Variants in FBXW4 observed in about 807,000 individuals in gnomAD.
FBXW4 encodes F-box/WD repeat-containing protein 4.
A neutral mutation model predicts 61.8 loss-of-function variants in FBXW4; 40 were observed. The observed-to-expected ratio is 0.65, with a 90% CI of 0.50 to 0.84. The LOEUF is 0.84. FBXW4 is among the 40% of genes least tolerant of loss of function. The probability of loss-of-function intolerance (pLI) is 0.00; values close to 1 mark genes in which losing one functional copy is unlikely to be tolerated. For missense variants in FBXW4, 672 were observed against 753.8 expected (o/e 0.89, Z 1.27); for synonymous variants, 311 against 313.8 (o/e 0.99, Z 0.10).
intron 6 of FBXW4, among the ~76,000 whole-genome samples, chr10:101,617,186 G>C (rs2063831852): frequency 6.6e-6 from 1 of 152,188 alleles, no homozygotes; most frequent in Non-Finnish European, 1.5e-5. Context: ...GGCTTTGGAG[G>C]TAAGTTTCTT....
At chr10:101,618,973 C>T (rs1036764909) in intron 6 of FBXW4, among the ~76,000 whole-genome samples, 1 of 152,166 alleles carries the variant, frequency 6.6e-6, no homozygotes, top group Non-Finnish European at 1.5e-5. Flanking sequence ...CCACTTGGGC[C>T]TTCCAGCTGC....
At chr10:101,626,365 A>T (rs558780147) in intron 5 of FBXW4, 2 of 152,804 alleles carry the variant, frequency 1.3e-5, no homozygotes, top group East Asian at 3.9e-4. Context: ...GTAATCCATT[A>T]ATAACTGGTA....
chr10:101,660,261 TCCG>T, intron 5 of FBXW4: 1 of 953,036 alleles, frequency 1.0e-6, no homozygotes, highest in Non-Finnish European at 1.2e-6. Context: ...CCTTTGAACC[TCCG>T]ACTGCAACAC....
At chr10:101,693,635 G>A (rs1283351527) in intron 1 of FBXW4, among the ~76,000 whole-genome samples, 4 of 152,138 alleles carry the variant, frequency 2.6e-5, no homozygotes, top group South Asian at 2.1e-4. Flanking sequence ...TGGAATAGGG[G>A]GCAATCTGAA....
Position 101,695,132 on chromosome 10 carries a change from G to T in FBXW4, c.-27C>A, listed in dbSNP as rs916863230. On this transcript the variant is annotated 5_prime_UTR_variant, in exon 1 of 9. Coordinates refer to ENST00000331272, the MANE Select transcript of FBXW4 (RefSeq NM_022039.4). The surrounding 1 kb of genome is among the most constrained non-coding windows in gnomAD (Gnocchi z 4.2). ...AGCGGCCGCGGGGCCGGCCCGACGC[G>T]GAGCCCAGCCCGAGCCGCCACCGCC... is the stretch of plus-strand genomic sequence containing the variant. The T allele has an allele frequency of 9.1e-6, 9 of 985,054 alleles. No individual in the cohort carries two copies. In the Admixed American group the frequency reaches 2.5e-4, roughly 27 times the overall value. The allele number at this position is 985,054 out of a possible 1,614,324, so 61.0% of individuals were successfully genotyped here. A position where few individuals can be genotyped will look rare whatever the true frequency, so the allele number is the denominator to read the frequency against.
intron 5 of FBXW4, among the ~76,000 whole-genome samples, chr10:101,629,460 TTTTAGTAGAG>T (rs1420109526): frequency 6.6e-6 from 1 of 152,004 alleles, no homozygotes; most frequent in African/African-American, 2.4e-5. Flanking sequence ...ATTTTTGTAT[TTTTAGTAGAG>T]AGAGGGTTTC....
At chr10:101,635,387 G>A (rs1393454460) in intron 5 of FBXW4, among the ~76,000 whole-genome samples, 2 of 152,028 alleles carry the variant, frequency 1.3e-5, no homozygotes, top group South Asian at 2.1e-4. Flanking sequence ...TAAATGTAAT[G>A]CACTTGAATC....
At chr10:101,680,600 T>C (rs914758449) in intron 1 of FBXW4, among the ~76,000 whole-genome samples, 4 of 152,212 alleles carry the variant, frequency 2.6e-5, no homozygotes, top group Admixed American at 1.3e-4. Flanking sequence ...CCCCCAAGAA[T>C]AGTTTACAGG....
intron 1 of FBXW4, among the ~76,000 whole-genome samples, chr10:101,691,752 C>T (rs1248808153): frequency 2.0e-5 from 3 of 152,122 alleles, no homozygotes; most frequent in African/African-American, 7.2e-5. Flanking sequence ...TATAGGTTAA[C>T]TGATAATATT....
chr10:101,663,726 C>G (rs1286930992), intron 5 of FBXW4, among the ~76,000 whole-genome samples: 1 of 152,082 alleles, frequency 6.6e-6, no homozygotes, highest in African/African-American at 2.4e-5. Flanking sequence ...ATCTCTGAGG[C>G]CTGTGAGCTG....
chr10:101,661,436 A>G (rs981007312), intron 5 of FBXW4, among the ~76,000 whole-genome samples: 1 of 152,166 alleles, frequency 6.6e-6, no homozygotes, highest in Non-Finnish European at 1.5e-5. Context: ...TTGCATATGC[A>G]TGGGCAATGA....
intron 1 of FBXW4, among the ~76,000 whole-genome samples, chr10:101,693,581 T>C (rs1254600765): frequency 6.6e-6 from 1 of 152,230 alleles, no homozygotes; most frequent in African/African-American, 2.4e-5. Flanking sequence ...CGTTATTTAA[T>C]GTTGTCATAA....
chr10:101,683,660 G>C (rs2064502537), intron 1 of FBXW4, among the ~76,000 whole-genome samples: 2 of 152,168 alleles, frequency 1.3e-5, no homozygotes, highest in African/African-American at 4.8e-5. Flanking sequence ...GAAGGAAGGG[G>C]AAGTGTAGGT....
At chr10:101,621,656 C>T (rs975021864) in intron 6 of FBXW4, among the ~76,000 whole-genome samples, 1 of 152,112 alleles carries the variant, frequency 6.6e-6, no homozygotes, top group Admixed American at 6.6e-5. Context: ...AACTCTTTCA[C>T]GATAATTTTG....
At chr10:101,634,050 T>C (rs1296245135) in intron 5 of FBXW4, among the ~76,000 whole-genome samples, 1 of 151,346 alleles carries the variant, frequency 6.6e-6, no homozygotes, top group Non-Finnish European at 1.5e-5. Flanking sequence ...GAGAGGGAGG[T>C]TGTAGTGAGC....
At chr10:101,615,889 T>C (rs1035906731) in intron 6 of FBXW4, among the ~76,000 whole-genome samples, 1 of 152,192 alleles carries the variant, frequency 6.6e-6, no homozygotes, top group Non-Finnish European at 1.5e-5. Flanking sequence ...GGTGCCCTGC[T>C]GCACTTCTCC....
chr10:101,620,214 G>T (rs917074882), intron 6 of FBXW4, among the ~76,000 whole-genome samples: 1 of 152,184 alleles, frequency 6.6e-6, no homozygotes, highest in African/African-American at 2.4e-5. Context: ...TCCACCTCTC[G>T]GATTGGCCTG....
At chr10:101,687,796 C>T (rs1246874239) in intron 1 of FBXW4, among the ~76,000 whole-genome samples, 1 of 152,140 alleles carries the variant, frequency 6.6e-6, no homozygotes, top group East Asian at 1.9e-4. Context: ...ATCCCTTGCC[C>T]AATATCATCA....
Position 101,673,533 on chromosome 10 carries a change from A to T in FBXW4, c.962T>A (p.Val321Asp). The T allele has an allele frequency of 6.2e-7, 1 of 1,613,952 alleles. No individual in the cohort carries two copies. Among genetic ancestry groups the T allele is most frequent in the East Asian group, 2.2e-5 (1 of 44,880 alleles). The change falls in exon 3 of 9, where the codon GTT (valine) becomes GAT (aspartate). Residue 321 changes from valine to aspartate, a missense_variant. Around this residue, in one of 5 missense-constraint regions of FBXW4, gnomAD observed 312 missense variants for 370.1 expected, o/e 0.84. Transcript: ENST00000331272. ...LGVFAGHDED[V>D]CHFVLANSHI... ...CGAGTTGGCCAGCACAAAGTGGCAA[A>T]CGTCCTCATCATGCCCAGCAAAGAC...
Sources: gnomAD v4.1 joint callset for allele counts (sites outside exome capture counted in the v4.1 genomes callset) on GRCh38, gnomAD v4.1.1 for gene constraint, gnomAD v4.1.1 regional missense constraint, Gnocchi (gnomAD v3.1) non-coding constraint, MANE v1.5 for transcripts, NCBI Gene and HGNC (gene_info 2026-07-23, HGNC 2026-07-21) for gene names.